The following CNTN4 variants were observed in gnomAD, a reference collection of about 807,000 sequenced individuals.
CNTN4 encodes the protein contactin-4.
A neutral mutation model predicts 122.5 loss-of-function variants in CNTN4; 77 were observed. The observed-to-expected ratio is 0.63, with a 90% CI of 0.52 to 0.76. The LOEUF is 0.76. Among genes scored for constraint, CNTN4 ranks in the 30% least tolerant of loss-of-function variants. The probability of loss-of-function intolerance (pLI) is 0.00; values close to 1 mark genes in which losing one functional copy is unlikely to be tolerated. For synonymous variants in CNTN4, 512 were observed against 447.0 expected (o/e 1.15, Z -1.83); for missense variants, 1,256 against 1,259.1 (o/e 1.00, Z 0.04).
chr3:2,552,970 C>T (rs1171098985), intron 3 of CNTN4, among the ~76,000 whole-genome samples: 1 of 152,136 alleles, frequency 6.6e-6, no homozygotes, highest in Non-Finnish European at 1.5e-5. Context: ...ACTGTGTGTA[C>T]TTGAGGACCA....
At position 3,015,721 on chromosome 3, in the gene CNTN4, G is replaced by A. The variant is rs1697693924; in HGVS notation, c.1487-10381G>A. 3.3e-5 allele frequency among the ~76,000 whole-genome samples: 5 copies of A among 152,212 alleles called. No homozygotes were observed. The South Asian group carries it at 6.2e-4, about 19-fold the overall frequency. On this transcript the variant is annotated intron_variant, in intron 14 of 24. Transcript: ENST00000418658. ...AATCCTTCCCCACATTGCACTGTGT[G>A]TGAATGGCACTTGGTTTTTCTTTTG...
intron 6 of CNTN4, among the ~76,000 whole-genome samples, chr3:2,791,102 A>G (rs554372434): frequency 1.3e-5 from 2 of 152,364 alleles, no homozygotes; most frequent in Non-Finnish European, 2.9e-5. Flanking sequence ...TTCCACAAGG[A>G]CAAGCCATTT....
chr3:2,100,591 G>C lies in CNTN4; in HGVS notation c.-193G>C, dbSNP rs1416619782. 6.6e-6 allele frequency: 1 copy of C among 152,134 alleles called. No individual in the cohort carries two copies. Among genetic ancestry groups the C allele is most frequent in the African/African-American group, 2.4e-5 (1 of 41,418 alleles). The allele number at this position is 152,134 out of a possible 1,614,324, so 9.4% of individuals were successfully genotyped here. Reference sequence around the variant, plus strand: ...AAAGAACAGTGTGTCATGAAGACAGGCACCTGGAGGTGATTTGGGTGGCAT... The same window carrying C: ...AAAGAACAGTGTGTCATGAAGACAGCCACCTGGAGGTGATTTGGGTGGCAT... On this transcript the variant is annotated 5_prime_UTR_variant, in exon 2 of 25. Coordinates refer to ENST00000418658, the MANE Select transcript of CNTN4 (RefSeq NM_175607.3).
intron 7 of CNTN4, among the ~76,000 whole-genome samples, chr3:2,837,169 G>A (rs1428123291): frequency 6.6e-6 from 1 of 151,806 alleles, no homozygotes; most frequent in Non-Finnish European, 1.5e-5. Context: ...CTCTTACATG[G>A]TTCTCTGTTG....
At chr3:2,444,111 A>G (rs13074392) in intron 3 of CNTN4, among the ~76,000 whole-genome samples, 36,233 of 151,680 alleles carry the variant, frequency 0.24, 5,491 homozygotes, top group Non-Finnish European at 0.35. Context: ...AAGGCTTTTC[A>G]TTCAGTCTTT....
intron 4 of CNTN4, among the ~76,000 whole-genome samples, chr3:2,646,143 A>G (rs928298795): frequency 2.6e-5 from 4 of 152,192 alleles, no homozygotes; most frequent in Non-Finnish European, 5.9e-5. Context: ...GCCTTTCTAG[A>G]ATGACTAATT....
At chr3:2,703,216 C>T (rs754472441) in intron 4 of CNTN4, among the ~76,000 whole-genome samples, 18 of 152,126 alleles carry the variant, frequency 1.2e-4, no homozygotes, top group Non-Finnish European at 2.5e-4. Context: ...TTCATATTTA[C>T]GTCATGTATG....
intron 16 of CNTN4, among the ~76,000 whole-genome samples, chr3:3,034,088 G>C (rs149057823): frequency 1.9e-3 from 288 of 152,338 alleles, no homozygotes; most frequent in African/African-American, 5.6e-3. Flanking sequence ...GATGTGAAGA[G>C]AGTGCTAGTA....
At chr3:2,705,633 T>C (rs1472594694) in intron 4 of CNTN4, among the ~76,000 whole-genome samples, 1 of 86,692 alleles carries the variant, frequency 1.2e-5, no homozygotes, top group African/African-American at 5.0e-5. Context: ...TATATAAATA[T>C]ATATATTATA....
At chr3:2,874,132 T>C (rs917267471) in intron 8 of CNTN4, among the ~76,000 whole-genome samples, 3 of 152,210 alleles carry the variant, frequency 2.0e-5, no homozygotes, top group Admixed American at 2.0e-4. Flanking sequence ...TTGACAAGCT[T>C]AGGAACTTGG....
At chr3:2,621,124 C>T (rs74327401) in intron 4 of CNTN4, among the ~76,000 whole-genome samples, 2,330 of 150,804 alleles carry the variant, frequency 0.015, 62 homozygotes, top group African/African-American at 0.054. Context: ...TTGGCATGTT[C>T]GTGGACACAT....
chr3:2,330,253 G>A (rs1252372682), intron 2 of CNTN4, among the ~76,000 whole-genome samples: 3 of 152,208 alleles, frequency 2.0e-5, no homozygotes, highest in Admixed American at 6.5e-5. Flanking sequence ...AGGTATGTGC[G>A]AAGGAGCACA....
intron 3 of CNTN4, among the ~76,000 whole-genome samples, chr3:2,486,700 T>C (rs2076173196): frequency 6.6e-6 from 1 of 152,196 alleles, no homozygotes; most frequent in African/African-American, 2.4e-5. Flanking sequence ...TTTTTGTTAC[T>C]GTCTCCATAA....
chr3:2,866,702 A>C, intron 7 of CNTN4, 50 bp from the exon 8 acceptor site: 1 of 1,500,352 alleles, frequency 6.7e-7, no homozygotes, highest in Non-Finnish European at 9.3e-7. Context: ...AAAACAGTAG[A>C]GTTCCAGTGC....
intron 3 of CNTN4, among the ~76,000 whole-genome samples, chr3:2,450,469 T>G (rs922769908): frequency 6.6e-6 from 1 of 152,172 alleles, no homozygotes; most frequent in Non-Finnish European, 1.5e-5. Context: ...TATGTTTTCT[T>G]GTTTAAAGAT....
chr3:2,923,739 T>G (rs531675139), intron 12 of CNTN4, among the ~76,000 whole-genome samples: 308 of 152,378 alleles, frequency 2.0e-3, no homozygotes, highest in African/African-American at 6.8e-3. Flanking sequence ...CTGTATTTTT[T>G]GTAGTAGTTA....
intron 2 of CNTN4, among the ~76,000 whole-genome samples, chr3:2,310,035 G>C (rs952467331): frequency 6.6e-6 from 1 of 152,010 alleles, no homozygotes; most frequent in African/African-American, 2.4e-5. Context: ...ACTTATTTTA[G>C]TTTTCAGGTG....
intron 13 of CNTN4, among the ~76,000 whole-genome samples, chr3:2,981,161 TG>T (rs1201689567): frequency 2.6e-5 from 4 of 152,152 alleles, no homozygotes; most frequent in African/African-American, 4.8e-5. Flanking sequence ...AAGGAAAACC[TG>T]GGCCGGGCGC....
intron 2 of CNTN4, among the ~76,000 whole-genome samples, chr3:2,122,079 C>T (rs567720034): frequency 2.7e-4 from 41 of 150,836 alleles, no homozygotes; most frequent in African/African-American, 1.0e-3. Context: ...GGCGGGAACC[C>T]GGGAGGCGGA....
Sources: gnomAD v4.1 joint callset for allele counts (sites outside exome capture counted in the v4.1 genomes callset) on GRCh38, gnomAD v4.1.1 for gene constraint, MANE v1.5 for transcripts, NCBI Gene and HGNC (gene_info 2026-07-23, HGNC 2026-07-21) for gene names.